The following DYNC2H1 variants were observed in gnomAD, a reference collection of about 807,000 sequenced individuals.
DYNC2H1 encodes the protein cytoplasmic dynein 2 heavy chain 1.
DYNC2H1 carries 410 observed loss-of-function variants against 570.0 expected under a neutral mutation model. The ratio of observed to expected loss-of-function variants is 0.72; its 90% CI spans 0.66 to 0.78. DYNC2H1 has a LOEUF of 0.78. Ranked by LOEUF, DYNC2H1 falls within the 30% of genes least tolerant of loss-of-function variation. The pLI is 0.00. For missense variants in DYNC2H1, 4,865 were observed against 5,046.4 expected (o/e 0.96, Z 1.09); for synonymous variants, 1,688 against 1,677.6 (o/e 1.01, Z -0.15).
chr11:103,239,766 C>A lies in DYNC2H1; in HGVS notation c.9819+3227C>A, dbSNP rs1591458529. 1.3e-5 allele frequency among the ~76,000 whole-genome samples: 2 copies of A among 151,734 alleles called. No individual in the cohort carries two copies. The highest frequency in any genetic ancestry group is 4.2e-4 in the South Asian group (2 of 4,808). On this transcript the variant is annotated intron_variant, in intron 63 of 88. Transcript: ENST00000375735. This position sits in a 1 kb window ranked among gnomAD's most constrained non-coding sequence, Gnocchi z 4.3. Reference sequence around the variant, plus strand: ...TAGTTTTATTTATAAAATGTTTTTGCATTTGTCCCATTTATAAGTATTGAA... The same window carrying A: ...TAGTTTTATTTATAAAATGTTTTTGAATTTGTCCCATTTATAAGTATTGAA...
chr11:103,372,260 C>G (rs545729096), intron 83 of DYNC2H1, among the ~76,000 whole-genome samples: 2 of 152,130 alleles, frequency 1.3e-5, no homozygotes, highest in East Asian at 3.9e-4. Flanking sequence ...CTCAAGTGAT[C>G]TGCCTGCCTA....
At chr11:103,388,706 A>C (rs574021638) in intron 83 of DYNC2H1, among the ~76,000 whole-genome samples, 1 of 81,550 alleles carries the variant, frequency 1.2e-5, no homozygotes, top group African/African-American at 3.9e-5. Context: ...AGTTTTTAGC[A>C]TGAAGGTTGT....
chr11:103,155,419 G>A lies in DYNC2H1; in HGVS notation c.3662G>A (p.Arg1221Lys), dbSNP rs12794914. 1 of 1,611,882 alleles carries A rather than the reference G, an allele frequency of 6.2e-7. No homozygotes were observed. The highest frequency in any genetic ancestry group is 8.5e-7 in the Non-Finnish European group (1 of 1,178,910). Reference protein sequence around the residue: ...LDLFRLLGLPRGTSLEKLLFG... With the variant: ...LDLFRLLGLPKGTSLEKLLFG... ...CTTTTTCGTCTCCTTGGACTTCCTA[G>A]GGGGACTAGTCTAGAGAAACTACTG... Residue 1221 changes from arginine (R) to lysine (K), a missense_variant, in exon 25 of 89, where the codon AGG (arginine) becomes AAG (lysine). By Grantham distance (26) the Arg-to-Lys change is conservative. Coordinates refer to ENST00000375735, the MANE Select transcript of DYNC2H1 (RefSeq NM_001377.3).
At chr11:103,414,170 T>C (rs1943194310) in intron 84 of DYNC2H1, among the ~76,000 whole-genome samples, 1 of 151,826 alleles carries the variant, frequency 6.6e-6, no homozygotes, top group Non-Finnish European at 1.5e-5. Context: ...AAAAGCAAGA[T>C]CAGGAAATAA....
chr11:103,477,935 G>A (rs548300874), intron 88 of DYNC2H1, among the ~76,000 whole-genome samples: 56 of 148,766 alleles, frequency 3.8e-4, no homozygotes, highest in African/African-American at 1.4e-3. Flanking sequence ...TCAGATTAAT[G>A]ACTAATTTCC....
At chr11:103,408,543 G>A (rs750533238) in intron 84 of DYNC2H1, among the ~76,000 whole-genome samples, 1 of 151,922 alleles carries the variant, frequency 6.6e-6, no homozygotes, top group Non-Finnish European at 1.5e-5. Flanking sequence ...TATTTCTCTT[G>A]TCCTTTCGTA....
intron 84 of DYNC2H1, among the ~76,000 whole-genome samples, chr11:103,432,385 G>GA (rs1209926521): frequency 6.6e-6 from 1 of 152,122 alleles, no homozygotes; most frequent in African/African-American, 2.4e-5. Context: ...GATCAGCTTG[G>GA]ATGATTGCTC....
chr11:103,131,097 G>A (rs1253627305), intron 13 of DYNC2H1, among the ~76,000 whole-genome samples: 4 of 152,056 alleles, frequency 2.6e-5, no homozygotes, highest in African/African-American at 7.2e-5. Flanking sequence ...TCCCCTTCAA[G>A]TGAAGTATAG....
In DYNC2H1 at chr11:103,176,342, G is replaced by A; in HGVS notation, c.5782G>A (p.Gly1928Arg). The change falls in exon 37 of 89, where the codon GGA becomes AGA. Residue 1928 changes from glycine to arginine, a missense_variant. Transcript: ENST00000375735. The part of the protein sequence containing the change: ...FDALIKDVFP[G>R]IELKEVEYDE... ...TGCACTGATAAAAGATGTCTTTCCG[G>A]GAATTGAATTGAAAGAAGTGGAATA... The A allele has an allele frequency of 6.3e-7, 1 of 1,584,910 alleles. No individual in the cohort carries two copies. The highest frequency in any genetic ancestry group is 8.6e-7 in the Non-Finnish European group (1 of 1,165,472).
intron 58 of DYNC2H1, 123 bp from the exon 59 acceptor site, chr11:103,222,841 TA>T (rs1863641048): frequency 2.7e-6 from 3 of 1,097,300 alleles, no homozygotes; most frequent in East Asian, 5.2e-5. Flanking sequence ...ATTTTAGCTA[TA>T]AGCCAAAAAA....
In DYNC2H1 at chr11:103,321,069, T is replaced by C. The variant is rs751611981; in HGVS notation, c.11766T>C (p.Leu3922=). ...DVQWEFVHGL[L]ENAIYGGRID... ...AATGGGAATTTGTACATGGTTTACTTGAAAATGCTATTTATGGAGGACGTA... is the reference window on the plus strand; with the variant it reads ...AATGGGAATTTGTACATGGTTTACTCGAAAATGCTATTTATGGAGGACGTA... The change falls in exon 81 of 89, where the codon CTT becomes CTC. Residue 3922 remains leucine, a synonymous_variant. Coordinates refer to ENST00000375735, the MANE Select transcript of DYNC2H1 (RefSeq NM_001377.3). The C allele has an allele frequency of 6.2e-7, 1 of 1,612,692 alleles. No homozygotes were observed. The highest frequency in any genetic ancestry group is 1.7e-5 in the Admixed American group (1 of 59,906).
At position 103,245,111 on chromosome 11, in the gene DYNC2H1, G is replaced by T; in HGVS notation, c.9919-140G>T. The T allele has an allele frequency of 1.5e-6, 1 of 656,128 alleles. No homozygotes were observed. The highest frequency in any genetic ancestry group is 2.4e-6 in the Non-Finnish European group (1 of 421,838). The allele number at this position is 656,128 out of a possible 1,614,324, so 40.6% of individuals were successfully genotyped here. A position where few individuals can be genotyped will look rare whatever the true frequency, so the allele number is the denominator to read the frequency against. On this transcript the variant is annotated intron_variant, in intron 64 of 88. Coordinates refer to ENST00000375735, the MANE Select transcript of DYNC2H1 (RefSeq NM_001377.3). This position sits in a 1 kb window ranked among gnomAD's most constrained non-coding sequence, Gnocchi z 4.5. ...CAGAGTAGGGTTCTTATTAATACTT[G>T]GGTGAGTAATTTATTACCTATAGAA...
rs930070333 is a variant in DYNC2H1, at chr11:103,256,834, C to A, written c.10461+594C>A. On this transcript the variant is annotated intron_variant, in intron 68 of 88. Transcript: ENST00000375735. This position sits in a 1 kb window ranked among gnomAD's most constrained non-coding sequence, Gnocchi z 4.0. Reference sequence around the variant, plus strand: ...GCTGTGCTGTCTTGCGTTACCTTAACTGATTCTCTTTTGAAATGTAAAATT... The same window carrying A: ...GCTGTGCTGTCTTGCGTTACCTTAAATGATTCTCTTTTGAAATGTAAAATT... Among the ~76,000 whole-genome samples the A allele has an allele frequency of 1.3e-5, 2 of 152,150 alleles. No homozygotes were observed. The highest frequency in any genetic ancestry group is 4.8e-5 in the African/African-American group (2 of 41,436).
chr11:103,343,973 G>A (rs188570602), intron 82 of DYNC2H1, among the ~76,000 whole-genome samples: 2 of 152,270 alleles, frequency 1.3e-5, no homozygotes, highest in East Asian at 3.9e-4. Context: ...TAAATTCAGG[G>A]AAATGATAAA....
chr11:103,190,036 G>T (rs1197781305), intron 45 of DYNC2H1, among the ~76,000 whole-genome samples: 1 of 152,142 alleles, frequency 6.6e-6, no homozygotes, highest in African/African-American at 2.4e-5. Flanking sequence ...TTGAATGAAT[G>T]CATTTGTGGT....
chr11:103,115,150 A>C (rs754757979), intron 3 of DYNC2H1, 27 bp from the exon 4 acceptor site: 1 of 1,542,012 alleles, frequency 6.5e-7, no homozygotes, highest in African/African-American at 1.4e-5. Context: ...ATTCTATGCC[A>C]TTTTTTTCCC....
intron 82 of DYNC2H1, among the ~76,000 whole-genome samples, chr11:103,353,619 G>C (rs1940159584): frequency 6.6e-6 from 1 of 152,162 alleles, no homozygotes; most frequent in African/African-American, 2.4e-5. Flanking sequence ...TCAATAGATA[G>C]TGATGCTTTT....
chr11:103,361,873 C>T (rs867505072), intron 83 of DYNC2H1, among the ~76,000 whole-genome samples: 4 of 152,046 alleles, frequency 2.6e-5, no homozygotes, highest in Non-Finnish European at 4.4e-5. Context: ...TTAACTAGGC[C>T]GAATAGCTTC....
chr11:103,398,162 A>T (rs1942474183), intron 83 of DYNC2H1, among the ~76,000 whole-genome samples: 2 of 152,212 alleles, frequency 1.3e-5, no homozygotes, highest in Admixed American at 6.5e-5. Flanking sequence ...CTGTTTTAAT[A>T]TAAAGGATTA....
Sources: gnomAD v4.1 joint callset for allele counts (sites outside exome capture counted in the v4.1 genomes callset) on GRCh38, gnomAD v4.1.1 for gene constraint, Gnocchi (gnomAD v3.1) non-coding constraint, MANE v1.5 for transcripts, NCBI Gene and HGNC (gene_info 2026-07-23, HGNC 2026-07-21) for gene names.